The following ARPC3 variants were observed in gnomAD, a reference collection of about 807,000 sequenced individuals.
ARPC3 encodes actin-related protein 2/3 complex subunit 3.
A neutral mutation model predicts 27.6 loss-of-function variants in ARPC3; 12 were observed. The observed-to-expected ratio is 0.43, with a 90% CI of 0.28 to 0.70. The LOEUF is 0.70. Ranked by LOEUF, ARPC3 falls within the 30% of genes least tolerant of loss-of-function variation. ARPC3 has a pLI of 0.17. For synonymous variants in ARPC3, 53 were observed against 67.2 expected, an observed-to-expected ratio of 0.79 and a Z score of 1.03; for missense variants, 153 against 207.7, an observed-to-expected ratio of 0.74 and a Z score of 1.62.
chr12:110,448,788 GGGGGT>G (rs1483991208), intron 1 of ARPC3, among the ~76,000 whole-genome samples: 9 of 106,736 alleles, frequency 8.4e-5, no homozygotes, highest in Admixed American at 1.7e-4. Context: ...CGGGGGGGGG[GGGGGT>G]GGTGGTACAG....
intron 3 of ARPC3, among the ~76,000 whole-genome samples, chr12:110,438,981 G>A (rs1433581537): frequency 6.6e-6 from 1 of 151,346 alleles, no homozygotes; most frequent in Non-Finnish European, 1.5e-5. Flanking sequence ...CAAATGAAAT[G>A]TGGCAGAGTT....
At chr12:110,440,457 C>T (rs1397735119) in intron 2 of ARPC3, 69 bp from the exon 3 acceptor site, 3 of 1,056,728 alleles carry the variant, frequency 2.8e-6, no homozygotes, top group Non-Finnish European at 4.5e-6. Context: ...ACTATCAAAG[C>T]CATAAAGGGA....
In ARPC3 at chr12:110,435,188, G is replaced by T. The variant is rs775870437; in HGVS notation, c.504C>A (p.Phe168Leu). The change falls in exon 7 of 7, where the codon TTC (phenylalanine) becomes TTA (leucine). Residue 168 changes from phenylalanine (F) to leucine (L), a missense_variant. Transcript: ENST00000228825. ...CAGGTCCTGAAAGACTCTTGTTCAT[G>T]AACTGTCTCTTCACAAAGCAAGTCC... ...KWWTCFVKRQFMNKSLSGPGQ is the reference protein window; with the variant it reads ...KWWTCFVKRQLMNKSLSGPGQ 1.2e-6 allele frequency: 2 copies of T among 1,613,946 alleles called. No homozygotes were observed. Among genetic ancestry groups the T allele is most frequent in the Non-Finnish European group, 1.7e-6 (2 of 1,180,010 alleles).
chr12:110,447,017 C>T (rs960288453), intron 1 of ARPC3, among the ~76,000 whole-genome samples: 5 of 152,152 alleles, frequency 3.3e-5, no homozygotes, highest in East Asian at 1.9e-4. Flanking sequence ...ATTCTATGTT[C>T]GGTGACATCA....
At chr12:110,445,141 G>C in intron 2 of ARPC3, 1 of 318,192 alleles carries the variant, frequency 3.1e-6, no homozygotes, top group Non-Finnish European at 6.0e-6. Flanking sequence ...AGAAAGGATG[G>C]GCATGTGGCA....
intron 4 of ARPC3, 28 bp from the exon 5 acceptor site, chr12:110,436,711 T>TACACACATACACAC (rs1555295736): frequency 5.8e-5 from 22 of 382,270 alleles, no homozygotes; most frequent in Non-Finnish European, 8.7e-5. Context: ...TATATATATA[T>TACACACATACACAC]ACACACACAC....
rs1566294473 is a variant in ARPC3 at position 110,437,167 on chromosome 12, A to G, written c.184-15T>C. ...TCAGCTTCATTCTACAGGGAGAAAA[A>G]GAAGACTTAAAAACAGTTATCAAAA... On this transcript the variant is annotated splice_polypyrimidine_tract_variant and intron_variant, in intron 3 of 6. Transcript: ENST00000228825. 1 of 1,529,288 alleles carries G rather than the reference A, an allele frequency of 6.5e-7. No individual in the cohort carries two copies. The highest frequency in any genetic ancestry group is 1.1e-5 in the South Asian group (1 of 89,256). The allele number at this position is 1,529,288 out of a possible 1,614,324, so 94.7% of individuals were successfully genotyped here. A position where few individuals can be genotyped will look rare whatever the true frequency, so the allele number is the denominator to read the frequency against.
At chr12:110,442,032 C>CAAA (rs774588008) in intron 2 of ARPC3, among the ~76,000 whole-genome samples, 1 of 109,100 alleles carries the variant, frequency 9.2e-6, no homozygotes. Flanking sequence ...ACTCTGTCTC[C>CAAA]AAAAAAAAAA....
rs759970868 is a variant in ARPC3 at position 110,434,939 on chromosome 12, T to C, written c.*216A>G. On this transcript the variant is annotated 3_prime_UTR_variant, in exon 7 of 7. Transcript: ENST00000228825. ...ATTTCTTTATTATTACTTATTCTTA[T>C]TAAGCGCCAGCTTTAATGCTGCAGA... 1.0e-5 allele frequency: 7 copies of C among 703,400 alleles called. No individual in the cohort carries two copies. The highest frequency in any genetic ancestry group is 4.7e-4 in the Middle Eastern group (2 of 4,276). The allele number at this position is 703,400 out of a possible 1,614,324, so 43.6% of individuals were successfully genotyped here.
At chr12:110,445,096 A>C (rs2062456898) in intron 2 of ARPC3, 2 of 258,184 alleles carry the variant, frequency 7.7e-6, no homozygotes, top group Admixed American at 1.0e-4. Context: ...GAAGAGGTTA[A>C]AATATTTGTT....
intron 2 of ARPC3, among the ~76,000 whole-genome samples, chr12:110,442,032 CA>C (rs774588008): frequency 0.014 from 1,551 of 108,926 alleles, 7 homozygotes; most frequent in Non-Finnish European, 0.018. Flanking sequence ...ACTCTGTCTC[CA>C]AAAAAAAAAA....
intron 2 of ARPC3, chr12:110,442,834 C>T (rs1388864756): frequency 6.6e-6 from 1 of 152,092 alleles, no homozygotes; most frequent in Non-Finnish European, 1.5e-5. Flanking sequence ...ACTGTCTTGA[C>T]AAAGACAGAT....
At chr12:110,447,545 C>T (rs920322824) in intron 1 of ARPC3, among the ~76,000 whole-genome samples, 1 of 152,044 alleles carries the variant, frequency 6.6e-6, no homozygotes, top group South Asian at 2.1e-4. Context: ...GAGGCTGAGG[C>T]GGACAGATCA....
chr12:110,441,105 C>T (rs975452287), intron 2 of ARPC3, among the ~76,000 whole-genome samples: 1 of 144,110 alleles, frequency 6.9e-6, no homozygotes, highest in Non-Finnish European at 1.5e-5. Flanking sequence ...GGCCTCCCAA[C>T]GTGCTGGGAT....
chr12:110,447,886 CTTTTTTTTTTTTTT>C (rs796202139), intron 1 of ARPC3, among the ~76,000 whole-genome samples: 4 of 107,168 alleles, frequency 3.7e-5, no homozygotes, highest in South Asian at 3.3e-4. Flanking sequence ...ATTTAGAGTC[CTTTTTTTTTTTTTT>C]TTTTTTTTTG....
chr12:110,445,691 G>A (rs766025561), intron 1 of ARPC3, 140 bp from the exon 2 acceptor site: 4 of 704,440 alleles, frequency 5.7e-6, no homozygotes, highest in African/African-American at 3.5e-5. Flanking sequence ...CAGCATTGAG[G>A]TGCGAGGGCT....
chr12:110,450,179 C>T, intron 1 of ARPC3, 76 bp downstream of exon 1: 1 of 1,598,976 alleles, frequency 6.3e-7, no homozygotes, highest in Non-Finnish European at 8.6e-7. Context: ...CCGCCCGCTT[C>T]TCTCGGCACA....
chr12:110,440,211 G>T, intron 3 of ARPC3, 101 bp downstream of exon 3: 2 of 806,170 alleles, frequency 2.5e-6, no homozygotes, highest in Non-Finnish European at 4.2e-6. Context: ...AAAATTACAT[G>T]CTGATTTCAT....
chr12:110,445,924 T>C (rs934344534), intron 1 of ARPC3, among the ~76,000 whole-genome samples: 2 of 151,730 alleles, frequency 1.3e-5, no homozygotes, highest in African/African-American at 4.8e-5. Flanking sequence ...GGCAACACAG[T>C]GAAACCCCAT....
Sources: gnomAD v4.1 joint callset for allele counts (sites outside exome capture counted in the v4.1 genomes callset) on GRCh38, gnomAD v4.1.1 for gene constraint, MANE v1.5 for transcripts, NCBI Gene and HGNC (gene_info 2026-07-23, HGNC 2026-07-21) for gene names.